The following SYT16 variants were observed in gnomAD, a reference collection of about 807,000 sequenced individuals.
The protein encoded by SYT16 is synaptotagmin-16.
Under a neutral mutation model 61.4 loss-of-function variants are expected in SYT16, and 42 were observed. That is an observed-to-expected ratio of 0.68 (90% CI 0.53 to 0.89). The LOEUF (loss-of-function observed/expected upper bound fraction) is 0.89, where lower values mean the gene tolerates loss of function less well. SYT16 is among the 40% of genes least tolerant of loss of function. The pLI, the probability that SYT16 is intolerant of heterozygous loss-of-function variation, is 0.00. For missense variants in SYT16, 804 were observed against 807.3 expected (o/e 1.00, Z 0.05); for synonymous variants, 314 against 302.3 (o/e 1.04, Z -0.40).
intron 3 of SYT16, among the ~76,000 whole-genome samples, chr14:62,053,951 T>C (rs74759425): frequency 0.07 from 10,584 of 152,240 alleles, 471 homozygotes; most frequent in East Asian, 0.12. Flanking sequence ...TCAGGAACCA[T>C]TTTACCAGTG....
At chr14:62,017,066 C>T (rs74972342) in intron 3 of SYT16, among the ~76,000 whole-genome samples, 2,060 of 152,202 alleles carry the variant, frequency 0.014, 30 homozygotes, top group Non-Finnish European at 0.021. Flanking sequence ...AGAACATGCC[C>T]AAAGAATCTT....
At chr14:61,956,816 ATT>A (rs35480135) in intron 1 of SYT16, among the ~76,000 whole-genome samples, 31 of 149,128 alleles carry the variant, frequency 2.1e-4, no homozygotes, top group African/African-American at 6.8e-4. Context: ...AAGCTTTAGG[ATT>A]TTTTTTTTCT....
intron 2 of SYT16, among the ~76,000 whole-genome samples, chr14:61,993,369 T>C (rs1766427746): frequency 6.6e-6 from 1 of 151,872 alleles, no homozygotes; most frequent in Non-Finnish European, 1.5e-5. Flanking sequence ...CCATGGCACA[T>C]GTATACCTAT....
chr14:62,017,108 A>G (rs377608084), intron 3 of SYT16, among the ~76,000 whole-genome samples: 1 of 152,320 alleles, frequency 6.6e-6, no homozygotes, highest in South Asian at 2.1e-4. Flanking sequence ...GCTCTGTTTT[A>G]TTGAATTGCG....
intron 5 of SYT16, among the ~76,000 whole-genome samples, chr14:62,077,953 T>C (rs2056555168): frequency 6.6e-6 from 1 of 152,136 alleles, no homozygotes; most frequent in Non-Finnish European, 1.5e-5. Context: ...GAGCTCCTCA[T>C]TCACTAAAAT....
At chr14:62,037,762 A>G (rs1226153020) in intron 3 of SYT16, among the ~76,000 whole-genome samples, 1 of 152,208 alleles carries the variant, frequency 6.6e-6, no homozygotes, top group Non-Finnish European at 1.5e-5. Flanking sequence ...CAAGGGTTCC[A>G]ACAATGGACT....
chr14:61,916,073 C>T (rs1250339706), intron 1 of SYT16, among the ~76,000 whole-genome samples: 1 of 151,546 alleles, frequency 6.6e-6, no homozygotes, highest in Admixed American at 6.6e-5. Context: ...TTTTTTTTTC[C>T]AGGACTAGTT....
chr14:61,829,660 CTTT>C (rs546044080), intron 1 of SYT16, among the ~76,000 whole-genome samples: 1 of 145,614 alleles, frequency 6.9e-6, no homozygotes. Flanking sequence ...ATTTTCTTTT[CTTT>C]TTTTTTTTTG....
intron 2 of SYT16, among the ~76,000 whole-genome samples, chr14:61,982,004 A>G (rs2052098442): frequency 6.6e-6 from 1 of 152,180 alleles, no homozygotes; most frequent in African/African-American, 2.4e-5. Flanking sequence ...CACTATTTCA[A>G]AAGCTGCAGA....
intron 1 of SYT16, among the ~76,000 whole-genome samples, chr14:61,823,615 G>A (rs1189654205): frequency 6.6e-6 from 1 of 151,494 alleles, no homozygotes; most frequent in African/African-American, 2.4e-5. Context: ...AGCTAGGTGT[G>A]GTGGTGCACA....
At chr14:62,075,604 TAAAAAA>T (rs376818967) in intron 5 of SYT16, among the ~76,000 whole-genome samples, 2 of 61,424 alleles carry the variant, frequency 3.3e-5, no homozygotes, top group African/African-American at 7.3e-5. Flanking sequence ...GGATGAACGG[TAAAAAA>T]AAAAAAAAAG....
intron 3 of SYT16, among the ~76,000 whole-genome samples, chr14:62,027,202 C>T (rs1376757367): frequency 6.6e-6 from 1 of 152,158 alleles, no homozygotes; most frequent in Non-Finnish European, 1.5e-5. Flanking sequence ...TTTCCTGTTT[C>T]CTCCCCTTAG....
At chr14:61,896,032 T>C (rs1199543051) in intron 1 of SYT16, among the ~76,000 whole-genome samples, 4 of 152,080 alleles carry the variant, frequency 2.6e-5, no homozygotes, top group Non-Finnish European at 4.4e-5. Flanking sequence ...CTTTGGTCTT[T>C]GCCCTTACAC....
chr14:61,880,137 A>G (rs2047646554), intron 1 of SYT16, among the ~76,000 whole-genome samples: 1 of 152,240 alleles, frequency 6.6e-6, no homozygotes, highest in South Asian at 2.1e-4. Flanking sequence ...GTGCTGCCAC[A>G]GATATACTGG....
chr14:62,025,507 A>G (rs935034268), intron 3 of SYT16, among the ~76,000 whole-genome samples: 1 of 152,142 alleles, frequency 6.6e-6, no homozygotes, highest in Non-Finnish European at 1.5e-5. Flanking sequence ...ATCGTTTATC[A>G]GATATATCTT....
chr14:61,986,842 A>G (rs1273362440), intron 2 of SYT16, among the ~76,000 whole-genome samples: 1 of 152,208 alleles, frequency 6.6e-6, no homozygotes, highest in Non-Finnish European at 1.5e-5. Flanking sequence ...GTGTATGTGT[A>G]TATATGTGGA....
At chr14:61,946,267 C>T (rs1312178918) in intron 1 of SYT16, among the ~76,000 whole-genome samples, 1 of 152,150 alleles carries the variant, frequency 6.6e-6, no homozygotes, top group African/African-American at 2.4e-5. Context: ...AAACCATTAT[C>T]TTCAAGGAAA....
chr14:62,073,971 T>A (rs921274124), intron 4 of SYT16, among the ~76,000 whole-genome samples: 2 of 152,230 alleles, frequency 1.3e-5, no homozygotes, highest in Non-Finnish European at 2.9e-5. Context: ...ATTGCTACCA[T>A]ACAATGTATA....
chr14:61,906,046 C>T (rs894111407), intron 1 of SYT16, among the ~76,000 whole-genome samples: 5 of 152,158 alleles, frequency 3.3e-5, no homozygotes, highest in African/African-American at 7.2e-5. Flanking sequence ...TGAGCCACCG[C>T]GCCCAGCCAT....
Sources: allele counts gnomAD v4.1 joint callset (sites outside exome capture counted in the v4.1 genomes callset), GRCh38; gene constraint gnomAD v4.1.1; transcripts MANE v1.5; gene names NCBI Gene and HGNC (gene_info 2026-07-23, HGNC 2026-07-21).